Variants in ADAM9 observed in about 807,000 individuals in gnomAD.
The protein encoded by ADAM9 is disintegrin and metalloproteinase domain-containing protein 9.
In ADAM9, 54 loss-of-function variants were observed where a neutral mutation model predicts 108.1. The observed-to-expected ratio is 0.50, with a 90% confidence interval of 0.40 to 0.63. ADAM9 has a LOEUF of 0.63. ADAM9 is among the 20% of genes least tolerant of loss of function. The pLI is 0.00. For missense variants in ADAM9, 830 were observed against 997.7 expected, an observed-to-expected ratio of 0.83 and a Z score of 2.26; for synonymous variants, 316 against 336.0, an observed-to-expected ratio of 0.94 and a Z score of 0.65.
chr8:39,007,759 T>C, intron 1 of ADAM9, 127 bp from the exon 2 acceptor site: 1 of 677,940 alleles, frequency 1.5e-6, no homozygotes, highest in East Asian at 2.7e-5. Flanking sequence ...TTTTATTATA[T>C]GCATATTGTA....
At position 39,104,583 on chromosome 8, in the gene ADAM9, C is replaced by G. The variant is rs1168724923; in HGVS notation, c.*883C>G. Reference sequence around the variant, plus strand: ...AATCAATTGAACTTTTACAAAACCACTTGAGAATTTCATGAGCACTTTAAA... The same window carrying G: ...AATCAATTGAACTTTTACAAAACCAGTTGAGAATTTCATGAGCACTTTAAA... On this transcript the variant is annotated 3_prime_UTR_variant, in exon 22 of 22. Coordinates refer to ENST00000487273, the MANE Select transcript of ADAM9 (RefSeq NM_003816.3). The G allele has an allele frequency of 2.4e-6, 1 of 411,414 alleles. No individual in the cohort carries two copies. The highest frequency in any genetic ancestry group is 2.1e-5 in the African/African-American group (1 of 47,800). The allele number at this position is 411,414 out of a possible 1,614,324, so 25.5% of individuals were successfully genotyped here.
intron 12 of ADAM9, among the ~76,000 whole-genome samples, chr8:39,050,975 TGAGA>T (rs1837941953): frequency 6.6e-6 from 1 of 151,944 alleles, no homozygotes; most frequent in African/African-American, 2.4e-5. Context: ...ATCTGTGCTC[TGAGA>T]GAGGAGAGGG....
At chr8:39,012,062 C>G (rs1836373083) in intron 3 of ADAM9, among the ~76,000 whole-genome samples, 1 of 152,188 alleles carries the variant, frequency 6.6e-6, no homozygotes, top group South Asian at 2.1e-4. Flanking sequence ...TACTTCTATG[C>G]CTACTCACAT....
chr8:39,025,735 C>A, intron 9 of ADAM9, 68 bp from the exon 10 acceptor site: 2 of 1,434,004 alleles, frequency 1.4e-6, no homozygotes, highest in South Asian at 1.1e-5. Flanking sequence ...TGAGATTATT[C>A]ATAAAATAAA....
At chr8:39,048,423 A>C (rs188272121) in intron 12 of ADAM9, among the ~76,000 whole-genome samples, 1 of 152,176 alleles carries the variant, frequency 6.6e-6, no homozygotes, top group Non-Finnish European at 1.5e-5. Flanking sequence ...AGTTTCATCC[A>C]TTTTGGTCAG....
chr8:39,024,569 C>T (rs1374474807), intron 9 of ADAM9, among the ~76,000 whole-genome samples: 1 of 152,134 alleles, frequency 6.6e-6, no homozygotes, highest in African/African-American at 2.4e-5. Flanking sequence ...GCTGGAATGT[C>T]CTTGTCAATC....
intron 11 of ADAM9, among the ~76,000 whole-genome samples, chr8:39,035,726 C>T (rs767538368): frequency 4.6e-5 from 7 of 151,834 alleles, no homozygotes; most frequent in Non-Finnish European, 7.4e-5. Context: ...CTGAGGCAGG[C>T]GAATGGCATG....
At chr8:38,998,012 A>G (rs1203279442) in intron 1 of ADAM9, among the ~76,000 whole-genome samples, 1 of 152,228 alleles carries the variant, frequency 6.6e-6, no homozygotes, top group Non-Finnish European at 1.5e-5. Flanking sequence ...CTTTCTGGAA[A>G]CAAGTTGTTT....
At chr8:39,050,593 T>C (rs1239715364) in intron 12 of ADAM9, among the ~76,000 whole-genome samples, 1 of 152,170 alleles carries the variant, frequency 6.6e-6, no homozygotes, top group African/African-American at 2.4e-5. Flanking sequence ...AGCCCCGAAA[T>C]TAGTGAGAAG....
intron 14 of ADAM9, among the ~76,000 whole-genome samples, chr8:39,064,956 T>C (rs890250454): frequency 6.6e-6 from 1 of 152,190 alleles, no homozygotes; most frequent in Non-Finnish European, 1.5e-5. Context: ...CTGAAAAAGC[T>C]TGGAGAATGA....
chr8:39,001,168 G>A (rs1187532264), intron 1 of ADAM9, among the ~76,000 whole-genome samples: 1 of 152,182 alleles, frequency 6.6e-6, no homozygotes, highest in Non-Finnish European at 1.5e-5. Context: ...AGCCACTTAA[G>A]AGAAGTGATT....
intron 3 of ADAM9, among the ~76,000 whole-genome samples, chr8:39,013,250 G>A (rs1286240339): frequency 6.6e-6 from 1 of 152,014 alleles, no homozygotes; most frequent in African/African-American, 2.4e-5. Flanking sequence ...TATTTATATA[G>A]AACTTTAAGA....
At chr8:39,007,244 C>A (rs952717311) in intron 1 of ADAM9, among the ~76,000 whole-genome samples, 5 of 152,084 alleles carry the variant, frequency 3.3e-5, no homozygotes, top group Non-Finnish European at 7.4e-5. Context: ...ACTAATAGAA[C>A]AAGAACTCTT....
chr8:39,089,585 G>A (rs1244597216), intron 18 of ADAM9, among the ~76,000 whole-genome samples: 1 of 152,080 alleles, frequency 6.6e-6, no homozygotes, highest in Non-Finnish European at 1.5e-5. Flanking sequence ...AGTTTTTTTG[G>A]TAGTAGCAAA....
chr8:39,018,898 A>G lies in ADAM9; in HGVS notation c.652A>G (p.Ile218Val), dbSNP rs771963841. Reference sequence around the variant, plus strand: ...ACAGACCCGGTATGTGGAGCTGTTCATTGTCGTAGACAAGGAAAGGGTAAG... The same window carrying G: ...ACAGACCCGGTATGTGGAGCTGTTCGTTGTCGTAGACAAGGAAAGGGTAAG... ...LPQTRYVELF[I>V]VVDKERYDMM... is the part of the protein sequence containing the mutation. The change falls in exon 7 of 22, where the codon ATT (isoleucine) becomes GTT (valine). Residue 218 changes from isoleucine to valine, a missense_variant. Coordinates refer to ENST00000487273, the MANE Select transcript of ADAM9 (RefSeq NM_003816.3). The G allele has an allele frequency of 6.2e-7, 1 of 1,614,040 alleles. No individual in the cohort carries two copies. The highest frequency in any genetic ancestry group is 8.5e-7 in the Non-Finnish European group (1 of 1,179,950).
Position 39,017,249 on chromosome 8 carries a change from T to C in ADAM9, c.441T>C (p.Tyr147=). The C allele has an allele frequency of 1.2e-6, 2 of 1,614,202 alleles. No homozygotes were observed. Among genetic ancestry groups the C allele is most frequent in the Non-Finnish European group, 1.7e-6 (2 of 1,180,028 alleles). Residue 147 remains tyrosine (Y), a synonymous_variant, in exon 6 of 22, where the codon TAT becomes TAC. Coordinates refer to ENST00000487273, the MANE Select transcript of ADAM9 (RefSeq NM_003816.3). ...RGLLHLENAS[Y]GIEPLQNSSH... is the part of the protein sequence containing the mutation. Reference sequence around the variant, plus strand: ...TGCTGCATTTAGAGAATGCGAGTTATGGGATTGAACCCCTGCAGAACAGCT... The same window carrying C: ...TGCTGCATTTAGAGAATGCGAGTTACGGGATTGAACCCCTGCAGAACAGCT...
At chr8:39,089,497 G>T (rs905424201) in intron 18 of ADAM9, among the ~76,000 whole-genome samples, 5 of 152,174 alleles carry the variant, frequency 3.3e-5, no homozygotes, top group African/African-American at 1.2e-4. Context: ...CAGCATTTCT[G>T]CTTTAGGGAA....
rs1234166497 is a variant in ADAM9 at position 39,082,752 on chromosome 8, G to C, written c.1962+31G>C. The stretch of plus-strand genomic sequence containing the variant: ...TAATGTTTTCTTTTGGCTTGTTCCT[G>C]AAAGTAGTGCTAAATAATGAGAAAT... On this transcript the variant is annotated intron_variant, in intron 17 of 21. Transcript: ENST00000487273. 3 of 1,572,934 alleles carry C rather than the reference G, an allele frequency of 1.9e-6. No homozygotes were observed. The Admixed American group carries it at 5.0e-5, about 26-fold the overall frequency.
At chr8:39,020,840 G>A (rs1836713969) in intron 7 of ADAM9, among the ~76,000 whole-genome samples, 1 of 151,684 alleles carries the variant, frequency 6.6e-6, no homozygotes, top group Non-Finnish European at 1.5e-5. Flanking sequence ...TGGTTTGGAA[G>A]CCACACAATT....
Sources: allele counts gnomAD v4.1 joint callset (sites outside exome capture counted in the v4.1 genomes callset), GRCh38; gene constraint gnomAD v4.1.1; transcripts MANE v1.5; gene names NCBI Gene and HGNC (gene_info 2026-07-23, HGNC 2026-07-21).